ADAMTS3: variants seen among roughly 807,000 people sequenced by gnomAD.
The protein encoded by ADAMTS3 is ADAM metallopeptidase with thrombospondin type 1 motif 3, also known as A disintegrin and metalloproteinase with thrombospondin motifs 3.
ADAMTS3 carries 73 observed loss-of-function variants against 129.0 expected under a neutral mutation model. The observed-to-expected ratio is 0.57, with a 90% CI of 0.47 to 0.69. The LOEUF (loss-of-function observed/expected upper bound fraction) is 0.69. Ranked by LOEUF, ADAMTS3 falls within the 30% of genes least tolerant of loss-of-function variation. The pLI, the probability that ADAMTS3 is intolerant of heterozygous loss-of-function variation, is 0.00. For missense variants in ADAMTS3, 1,457 were observed against 1,514.5 expected, an observed-to-expected ratio of 0.96 and a Z score of 0.63; for synonymous variants, 477 against 510.8, an observed-to-expected ratio of 0.93 and a Z score of 0.89.
At chr4:72,340,893 AGAAAG>A (rs1255087772) in intron 4 of ADAMTS3, among the ~76,000 whole-genome samples, 3 of 152,206 alleles carry the variant, frequency 2.0e-5, no homozygotes, top group African/African-American at 7.2e-5. Context: ...TATAGAACTC[AGAAAG>A]GATTTTATTT....
chr4:72,552,788 G>A (rs1320063152), intron 2 of ADAMTS3, among the ~76,000 whole-genome samples: 1 of 152,080 alleles, frequency 6.6e-6, no homozygotes, highest in Non-Finnish European at 1.5e-5. Context: ...GCTTAAATGT[G>A]ACCCTCTCAG....
At chr4:72,486,292 C>T (rs1450321171) in intron 3 of ADAMTS3, among the ~76,000 whole-genome samples, 1 of 152,200 alleles carries the variant, frequency 6.6e-6, no homozygotes, top group Non-Finnish European at 1.5e-5. Flanking sequence ...TGTACTCCAA[C>T]ACCCAAAATG....
At chr4:72,390,055 C>G (rs1232398300) in intron 4 of ADAMTS3, among the ~76,000 whole-genome samples, 1 of 152,128 alleles carries the variant, frequency 6.6e-6, no homozygotes, top group Non-Finnish European at 1.5e-5. Flanking sequence ...ACCATGAATA[C>G]AAATGAGAGA....
chr4:72,366,505 T>C (rs1720872403), intron 4 of ADAMTS3, among the ~76,000 whole-genome samples: 1 of 152,198 alleles, frequency 6.6e-6, no homozygotes, highest in Non-Finnish European at 1.5e-5. Flanking sequence ...TGTGATTATT[T>C]GTTTTCCCAA....
chr4:72,516,195 T>C (rs1277749728), intron 3 of ADAMTS3, among the ~76,000 whole-genome samples: 1 of 152,190 alleles, frequency 6.6e-6, no homozygotes, highest in African/African-American at 2.4e-5. Context: ...CATTGTTCTA[T>C]ATCTCTGTTT....
At chr4:72,437,601 T>C (rs1165714446) in intron 3 of ADAMTS3, among the ~76,000 whole-genome samples, 2 of 151,768 alleles carry the variant, frequency 1.3e-5, no homozygotes, top group South Asian at 4.1e-4. Context: ...GCGAGGGTTG[T>C]GTTGTCAACA....
intron 17 of ADAMTS3, among the ~76,000 whole-genome samples, chr4:72,301,456 G>A (rs1409531121): frequency 6.6e-6 from 1 of 151,980 alleles, no homozygotes; most frequent in Non-Finnish European, 1.5e-5. Context: ...CTTTAACAAT[G>A]GGCAAAAGAT....
At chr4:72,495,143 C>T (rs186606301) in intron 3 of ADAMTS3, among the ~76,000 whole-genome samples, 13 of 152,192 alleles carry the variant, frequency 8.5e-5, no homozygotes, top group African/African-American at 2.6e-4. Context: ...GCTAAGCAGC[C>T]GCGAAGACAG....
At chr4:72,401,306 C>T (rs1721908009) in intron 4 of ADAMTS3, among the ~76,000 whole-genome samples, 1 of 151,632 alleles carries the variant, frequency 6.6e-6, no homozygotes, top group Non-Finnish European at 1.5e-5. Context: ...GTGGCTCACA[C>T]CTGTAATCCC....
chr4:72,286,771 C>T (rs1718516504), intron 21 of ADAMTS3, among the ~76,000 whole-genome samples: 1 of 151,806 alleles, frequency 6.6e-6, no homozygotes, highest in Non-Finnish European at 1.5e-5. Context: ...GAAAACAAGG[C>T]AGGAGAAGAA....
intron 3 of ADAMTS3, among the ~76,000 whole-genome samples, chr4:72,526,240 T>C (rs1298279009): frequency 6.6e-6 from 1 of 152,152 alleles, no homozygotes; most frequent in African/African-American, 2.4e-5. Flanking sequence ...GGTTGTGCTA[T>C]TTAAAGCTAT....
chr4:72,439,349 T>G (rs1231005242), intron 3 of ADAMTS3, among the ~76,000 whole-genome samples: 1 of 151,720 alleles, frequency 6.6e-6, no homozygotes, highest in African/African-American at 2.4e-5. Context: ...AGAATAAAGT[T>G]TATTAATTCT....
chr4:72,527,845 C>A (rs1004871778), intron 3 of ADAMTS3, among the ~76,000 whole-genome samples: 1 of 152,082 alleles, frequency 6.6e-6, no homozygotes, highest in Admixed American at 6.6e-5. Context: ...AAGAATTCAT[C>A]CAACTAAGAA....
intron 4 of ADAMTS3, among the ~76,000 whole-genome samples, chr4:72,375,718 A>G (rs1451920212): frequency 6.6e-6 from 1 of 152,116 alleles, no homozygotes; most frequent in Non-Finnish European, 1.5e-5. Context: ...TAAATCATCA[A>G]TCAAAAGGAA....
chr4:72,459,819 T>C (rs1438390621), intron 3 of ADAMTS3, among the ~76,000 whole-genome samples: 2 of 151,570 alleles, frequency 1.3e-5, no homozygotes, highest in Non-Finnish European at 3.0e-5. Context: ...ATATATGTAA[T>C]GAGATATCTT....
At chr4:72,311,299 A>G (rs1173510458) in intron 13 of ADAMTS3, 118 bp from the exon 14 acceptor site, 2 of 911,880 alleles carry the variant, frequency 2.2e-6, no homozygotes, top group Non-Finnish European at 3.1e-6. Context: ...CAAAAGGAAT[A>G]CCGTATAAAC....
Position 72,283,297 on chromosome 4 carries a change from T to G in ADAMTS3, c.3457A>C (p.Thr1153Pro). Residue 1153 changes from threonine (T) to proline (P), a missense_variant, in exon 22 of 22, where the codon ACC (threonine) becomes CCC (proline). Physicochemically the swap from Thr to Pro is conservative, Grantham distance 38. Coordinates refer to ENST00000286657, the MANE Select transcript of ADAMTS3 (RefSeq NM_014243.3). ...GCTGAACTGAGGTGGACCCTCTTGG[T>G]GGGTGGGGAGGATGGTACGGTGACC... ...RLVTVPSSPPTKRVHLSSASQ... is the reference protein window; with the variant it reads ...RLVTVPSSPPPKRVHLSSASQ... 1.2e-6 allele frequency: 2 copies of G among 1,613,978 alleles called. No individual in the cohort carries two copies. Among genetic ancestry groups the G allele is most frequent in the Non-Finnish European group, 1.7e-6 (2 of 1,179,926 alleles).
intron 17 of ADAMTS3, among the ~76,000 whole-genome samples, chr4:72,300,776 A>G (rs1718929582): frequency 6.6e-6 from 1 of 152,148 alleles, no homozygotes; most frequent in African/African-American, 2.4e-5. Flanking sequence ...TATTGTGAGG[A>G]TGTATAAGCA....
At chr4:72,553,795 G>A (rs966925381) in intron 2 of ADAMTS3, among the ~76,000 whole-genome samples, 1 of 152,174 alleles carries the variant, frequency 6.6e-6, no homozygotes. Context: ...GGCCTGACAG[G>A]CACAGGGTGG....
Sources: allele counts gnomAD v4.1 joint callset (sites outside exome capture counted in the v4.1 genomes callset), GRCh38; gene constraint gnomAD v4.1.1; transcripts MANE v1.5; gene names NCBI Gene and HGNC (gene_info 2026-07-23, HGNC 2026-07-21).